The following OLAH variants were observed in gnomAD, a reference collection of about 807,000 sequenced individuals.
OLAH encodes the protein S-acyl fatty acid synthase thioesterase, medium chain.
In OLAH, 33 loss-of-function variants were observed where a neutral mutation model predicts 27.8. The ratio of observed to expected loss-of-function variants is 1.19; its 90% CI spans 0.90 to 1.59. The LOEUF (loss-of-function observed/expected upper bound fraction) is 1.59, where lower values mean the gene tolerates loss of function less well. Ranked by LOEUF, OLAH falls within the 40% of genes most tolerant of loss-of-function variation. The probability of loss-of-function intolerance (pLI) is 0.00; values close to 1 mark genes in which losing one functional copy is unlikely to be tolerated. For synonymous variants in OLAH, 120 were observed against 102.9 expected (o/e 1.17, Z -1.01); for missense variants, 359 against 310.8 (o/e 1.16, Z -1.17).
chr10:15,052,348 T>C (rs1844161062), intron 3 of OLAH, among the ~76,000 whole-genome samples: 1 of 152,186 alleles, frequency 6.6e-6, no homozygotes, highest in South Asian at 2.1e-4. Flanking sequence ...TTTGCTGTTT[T>C]AGTAGATTCT....
intron 1 of OLAH, among the ~76,000 whole-genome samples, chr10:15,038,913 C>A (rs1443818735): frequency 6.6e-6 from 1 of 152,096 alleles, no homozygotes; most frequent in South Asian, 2.1e-4. Context: ...CAAATATATT[C>A]AGCATCTTGA....
chr10:15,060,785 C>T lies in OLAH; in HGVS notation c.164-939C>T, dbSNP rs146879281. Among the ~76,000 whole-genome samples, 651 of 152,186 alleles carry T rather than the reference C, an allele frequency of 4.3e-3. 6 individuals are homozygous for T. The highest frequency in any genetic ancestry group is 0.015 in the African/African-American group (622 of 41,516). ...CTCCCTGGAGTTGTTATGGGTCATACCTTCCAGCTTTTTGGCATGTCTGGT... is the reference window on the plus strand; with the variant it reads ...CTCCCTGGAGTTGTTATGGGTCATATCTTCCAGCTTTTTGGCATGTCTGGT... On this transcript the variant is annotated intron_variant, in intron 3 of 7. Transcript: ENST00000378228.
intron 3 of OLAH, among the ~76,000 whole-genome samples, chr10:15,056,498 T>C (rs184339090): frequency 1.9e-4 from 29 of 152,382 alleles, no homozygotes; most frequent in African/African-American, 7.0e-4. Flanking sequence ...GAAATTATTC[T>C]AACTTTACAT....
rs901071711 is a variant in OLAH at position 15,073,290 on chromosome 10, G to T, written c.*61G>T. The T allele has an allele frequency of 1.8e-6, 2 of 1,107,902 alleles. No individual in the cohort carries two copies. The highest frequency in any genetic ancestry group is 2.6e-6 in the Non-Finnish European group (2 of 761,052). The allele number at this position is 1,107,902 out of a possible 1,614,324, so 68.6% of individuals were successfully genotyped here. A position where few individuals can be genotyped will look rare whatever the true frequency, so the allele number is the denominator to read the frequency against. Reference sequence around the variant, plus strand: ...ATATCATACTCTTCTCAGTTATTCAGATATAGCTCAGTTTTATTCAGATTG... The same window carrying T: ...ATATCATACTCTTCTCAGTTATTCATATATAGCTCAGTTTTATTCAGATTG... On this transcript the variant is annotated 3_prime_UTR_variant, in exon 8 of 8. Coordinates refer to ENST00000378228, the MANE Select transcript of OLAH (RefSeq NM_001039702.3).
intron 1 of OLAH, among the ~76,000 whole-genome samples, chr10:15,036,267 G>A (rs1843839076): frequency 6.6e-6 from 1 of 152,150 alleles, no homozygotes; most frequent in African/African-American, 2.4e-5. Flanking sequence ...GGATTCCAAG[G>A]TGGGTGGATC....
chr10:15,053,781 C>T (rs1844191771), intron 3 of OLAH, among the ~76,000 whole-genome samples: 1 of 151,840 alleles, frequency 6.6e-6, no homozygotes, highest in Non-Finnish European at 1.5e-5. Flanking sequence ...GTGGTGCAAT[C>T]ACAGCTCACT....
At chr10:15,051,078 A>ATTTTT (rs35201278) in intron 3 of OLAH, among the ~76,000 whole-genome samples, 96 of 134,814 alleles carry the variant, frequency 7.1e-4, no homozygotes, top group Middle Eastern at 3.8e-3. Context: ...TATTATTATT[A>ATTTTT]TTTTTTTTTT....
chr10:15,069,162 G>A (rs929063985), intron 6 of OLAH, among the ~76,000 whole-genome samples: 1 of 152,168 alleles, frequency 6.6e-6, no homozygotes, highest in Non-Finnish European at 1.5e-5. Context: ...CCTGGGTTCT[G>A]TGAGTGGGGC....
chr10:15,035,542 A>T (rs1274714010), intron 1 of OLAH, among the ~76,000 whole-genome samples: 1 of 152,018 alleles, frequency 6.6e-6, no homozygotes, highest in African/African-American at 2.4e-5. Flanking sequence ...TCTCATGAGA[A>T]CTCACTATCT....
chr10:15,059,056 TC>T, intron 3 of OLAH, among the ~76,000 whole-genome samples: 1 of 74,172 alleles, frequency 1.3e-5, no homozygotes, highest in Non-Finnish European at 2.8e-5. Flanking sequence ...TTCCATCCCT[TC>T]CCTTCCTTCC....
chr10:15,032,756 G>A (rs911640986), intron 1 of OLAH, among the ~76,000 whole-genome samples: 12 of 152,096 alleles, frequency 7.9e-5, no homozygotes, highest in African/African-American at 2.4e-4. Flanking sequence ...TTCTCAAAAG[G>A]CAACAAAATC....
At chr10:15,044,447 T>C (rs1255104761) in intron 1 of OLAH, among the ~76,000 whole-genome samples, 2 of 151,412 alleles carry the variant, frequency 1.3e-5, no homozygotes, top group Non-Finnish European at 2.9e-5. Flanking sequence ...TATATATATT[T>C]TTTTCTTTCT....
In OLAH at chr10:15,073,283, TTATTCAGA is replaced by T. The variant is rs1356590489; in HGVS notation, c.*58_*65del. 8.3e-7 allele frequency: 1 copy of T among 1,198,036 alleles called. No homozygotes were observed. The highest frequency in any genetic ancestry group is 2.2e-5 in the Admixed American group (1 of 44,512). 74.2% of individuals were successfully genotyped at this position (1,198,036 alleles called of 1,614,324 possible). Reference sequence around the variant, plus strand: ...CAAAGTAATATCATACTCTTCTCAGTTATTCAGATATAGCTCAGTTTTATTCAGATTGG... The same window carrying T: ...CAAAGTAATATCATACTCTTCTCAGTTATAGCTCAGTTTTATTCAGATTGG... On this transcript the variant is annotated 3_prime_UTR_variant, in exon 8 of 8. Transcript: ENST00000378228.
In OLAH at chr10:15,048,655, G is replaced by A. The variant is rs374347425; in HGVS notation, c.33-980G>A. ...ACCAAGATTGAAGCTGCCCATGAAC[G>A]GTTTGGATAAAATTATTCTCCAAAT... is the stretch of plus-strand genomic sequence containing the variant. On this transcript the variant is annotated intron_variant, in intron 2 of 7. Coordinates refer to ENST00000378228, the MANE Select transcript of OLAH (RefSeq NM_001039702.3). Among the ~76,000 whole-genome samples the A allele has an allele frequency of 3.7e-4, 56 of 152,208 alleles. 2 individuals carry two copies. The highest frequency in any genetic ancestry group is 1.3e-3 in the African/African-American group (56 of 41,530).
intron 2 of OLAH, 124 bp downstream of exon 2, chr10:15,047,444 C>T: frequency 2.1e-6 from 2 of 972,846 alleles, no homozygotes; most frequent in Non-Finnish European, 1.6e-6. Context: ...CTTGTAATCC[C>T]AGCACTTTGG....
chr10:15,056,909 C>T (rs760511223), intron 3 of OLAH: 88 of 1,533,072 alleles, frequency 5.7e-5, no homozygotes, highest in African/African-American at 6.9e-5. Context: ...CATGTGCTGG[C>T]GTGAGCCACC....
intron 4 of OLAH, 54 bp from the exon 5 acceptor site, chr10:15,064,349 T>C: frequency 1.0e-6 from 1 of 1,001,588 alleles, no homozygotes; most frequent in Non-Finnish European, 1.5e-6. Flanking sequence ...TTTCGGTGGA[T>C]CATCACGAGT....
chr10:15,067,828 A>G (rs989605988), intron 6 of OLAH, among the ~76,000 whole-genome samples: 1 of 152,130 alleles, frequency 6.6e-6, no homozygotes, highest in Non-Finnish European at 1.5e-5. Context: ...CACTACCACT[A>G]AAGCTCAGAG....
chr10:15,058,349 T>C (rs538543056), intron 3 of OLAH, among the ~76,000 whole-genome samples: 23 of 152,264 alleles, frequency 1.5e-4, no homozygotes, highest in African/African-American at 5.3e-4. Flanking sequence ...CACCTTGGCC[T>C]CCCAAAGTGC....
Sources: allele counts gnomAD v4.1 joint callset (sites outside exome capture counted in the v4.1 genomes callset), GRCh38; gene constraint gnomAD v4.1.1; transcripts MANE v1.5; gene names NCBI Gene and HGNC (gene_info 2026-07-23, HGNC 2026-07-21).